The following LYRM4 variants were observed in gnomAD, a reference collection of about 807,000 sequenced individuals.
LYRM4 encodes the protein LYR motif-containing protein 4.
LYRM4 carries 9 observed loss-of-function variants against 11.7 expected under a neutral mutation model. That is an observed-to-expected ratio of 0.77 (90% CI 0.46 to 1.34). The LOEUF is 1.34. Ranked by LOEUF, LYRM4 falls within the 40% of genes most tolerant of loss-of-function variation. The pLI, the probability that LYRM4 is intolerant of heterozygous loss-of-function variation, is 0.00. For missense variants in LYRM4, 133 were observed against 112.5 expected (o/e 1.18, Z -0.82); for synonymous variants, 42 against 40.4 (o/e 1.04, Z -0.15).
chr6:5,175,350 C>T (rs914135944), intron 2 of LYRM4, among the ~76,000 whole-genome samples: 7 of 152,176 alleles, frequency 4.6e-5, no homozygotes, highest in African/African-American at 1.4e-4. Flanking sequence ...TCCTTTAAAA[C>T]GTAGAGGCCT....
At chr6:5,039,535 A>C in the LYRM4 span, among the ~76,000 whole-genome samples, 1 of 152,212 alleles carries the variant, frequency 6.6e-6, no homozygotes, top group African/African-American at 2.4e-5. Flanking sequence ...TATGCCACCA[A>C]ATTCGCAATT....
chr6:5,128,264 G>A (rs1010178641), intron 2 of LYRM4, among the ~76,000 whole-genome samples: 10 of 152,186 alleles, frequency 6.6e-5, no homozygotes, highest in African/African-American at 2.4e-4. Context: ...ATAGTGAAGA[G>A]GACTGCAGTG....
intron 2 of LYRM4, among the ~76,000 whole-genome samples, chr6:5,189,289 T>G (rs9392661): frequency 1.1e-4 from 17 of 149,448 alleles, no homozygotes; most frequent in African/African-American, 4.1e-4. Context: ...GGTTAGTGCT[T>G]AGCCTAAGGT....
intron 2 of LYRM4, among the ~76,000 whole-genome samples, chr6:5,215,947 A>G (rs1422174455): frequency 6.6e-6 from 1 of 152,142 alleles, no homozygotes; most frequent in Non-Finnish European, 1.5e-5. Flanking sequence ...GGTGACTTTA[A>G]CCTCTGACGT....
At chr6:5,066,249 G>A in the LYRM4 span, 1 of 723,676 alleles carries the variant, frequency 1.4e-6, no homozygotes, top group Admixed American at 1.8e-5. Context: ...CATGATACAA[G>A]TCTGGATTTC....
intron 1 of LYRM4, among the ~76,000 whole-genome samples, chr6:5,259,514 G>C (rs1047383439): frequency 5.3e-5 from 8 of 152,302 alleles, no homozygotes; most frequent in African/African-American, 1.9e-4. Flanking sequence ...TTCCAGGCGG[G>C]TTTCTAAAAA....
intron 2 of LYRM4, chr6:5,132,819 T>C (rs1027055910): frequency 3.3e-5 from 5 of 152,226 alleles, no homozygotes; most frequent in Non-Finnish European, 2.9e-5. Context: ...AAAAGAGAAC[T>C]AGAACTCCCA....
At chr6:5,085,072 A>G in the LYRM4 span, 1 of 203,134 alleles carries the variant, frequency 4.9e-6, no homozygotes, top group African/African-American at 2.3e-5. Flanking sequence ...AAGAAGCGGA[A>G]CAGACGCGAG....
chr6:5,101,913 C>T (rs1199403869), downstream of LYRM4, among the ~76,000 whole-genome samples: 6 of 148,266 alleles, frequency 4.0e-5, no homozygotes, highest in Non-Finnish European at 5.9e-5. Context: ...CTCAGCCTCC[C>T]GATTAGTTGG....
At chr6:5,126,082 T>C (rs1223303508) in intron 2 of LYRM4, among the ~76,000 whole-genome samples, 1 of 152,216 alleles carries the variant, frequency 6.6e-6, no homozygotes, top group East Asian at 1.9e-4. Flanking sequence ...TGGGACCCTA[T>C]TATAGAAAGC....
At position 5,108,893 on chromosome 6, in the gene LYRM4, G is replaced by T. The variant is rs554947953; in HGVS notation, c.*530C>A. The T allele has an allele frequency of 2.2e-4, 222 of 991,034 alleles. 2 individuals are homozygous for T. In the African/African-American group the frequency reaches 3.8e-3, roughly 17 times the overall value. 61.4% of individuals were successfully genotyped at this position (991,034 alleles called of 1,614,324 possible). The stretch of plus-strand genomic sequence containing the variant: ...GCAGGGTGCACCGTGTATCCCCGTA[G>T]CCCTGCCCTACTCCATGCTGCCCCC... On this transcript the variant is annotated 3_prime_UTR_variant, in exon 3 of 3. Coordinates refer to ENST00000330636, the MANE Select transcript of LYRM4 (RefSeq NM_020408.6).
At chr6:5,138,426 G>A (rs536055276) in intron 2 of LYRM4, among the ~76,000 whole-genome samples, 12 of 146,730 alleles carry the variant, frequency 8.2e-5, no homozygotes, top group Admixed American at 1.4e-4. Flanking sequence ...TTGAGGCTGC[G>A]GAGAGCCGTA....
At chr6:5,114,329 G>A (rs1029076449) in intron 2 of LYRM4, among the ~76,000 whole-genome samples, 2 of 152,178 alleles carry the variant, frequency 1.3e-5, no homozygotes, top group African/African-American at 4.8e-5. Flanking sequence ...CTTATTGCCA[G>A]CTTTCTTTTA....
intron 2 of LYRM4, among the ~76,000 whole-genome samples, chr6:5,124,649 A>G (rs771997404): frequency 3.9e-5 from 6 of 152,184 alleles, no homozygotes; most frequent in Admixed American, 1.3e-4. Flanking sequence ...CAAAGGATCA[A>G]CAGTGGGCGG....
At chr6:5,176,641 T>C (rs554725940) in intron 2 of LYRM4, among the ~76,000 whole-genome samples, 61 of 152,242 alleles carry the variant, frequency 4.0e-4, no homozygotes, top group Admixed American at 6.5e-4. Flanking sequence ...AAGTCTTGGC[T>C]GTTACTGAGG....
In LYRM4 at chr6:5,260,694, G is replaced by A. The variant is rs547137067; in HGVS notation, c.40C>T (p.Arg14Trp). ...CGCTTGCTCTCTCTCAGCATCGCCC[G>A]GTACAGAGATAACACTTGTGCGCGA... is the stretch of plus-strand genomic sequence containing the variant. ...SSRAQVLSLY[R>W]AMLRESKRFS... Residue 14 changes from arginine (R) to tryptophan (W), a missense_variant, in exon 1 of 3, where the codon CGG becomes TGG. Coordinates refer to ENST00000330636, the MANE Select transcript of LYRM4 (RefSeq NM_020408.6). 21 of 1,533,794 alleles carry A rather than the reference G, an allele frequency of 1.4e-5. No homozygotes were observed. In the East Asian group the frequency reaches 3.5e-4, roughly 25 times the overall value.
intron 2 of LYRM4, among the ~76,000 whole-genome samples, chr6:5,111,643 C>T (rs926266752): frequency 4.6e-5 from 7 of 152,160 alleles, no homozygotes; most frequent in South Asian, 2.1e-4. Context: ...CCATCTGGGA[C>T]GCCTCTAATG....
chr6:5,136,731 AG>A, intron 2 of LYRM4: 7 of 985,430 alleles, frequency 7.1e-6, no homozygotes, highest in Non-Finnish European at 8.4e-6. Flanking sequence ...AACCGCCCCA[AG>A]GAGCAGCGCC....
chr6:5,054,770 A>G, the LYRM4 span, among the ~76,000 whole-genome samples: 8 of 152,256 alleles, frequency 5.3e-5, no homozygotes, highest in East Asian at 1.5e-3. Flanking sequence ...AGACCTTAAG[A>G]CTGAAAAAAC....
Sources: gnomAD v4.1 joint callset for allele counts (sites outside exome capture counted in the v4.1 genomes callset) on GRCh38, gnomAD v4.1.1 for gene constraint, MANE v1.5 for transcripts, NCBI Gene and HGNC (gene_info 2026-07-23, HGNC 2026-07-21) for gene names.